TAF11L14: variants seen among roughly 807,000 people sequenced by gnomAD.
TAF11L14 encodes TATA-box-binding protein-associated factor 11-like protein 14.
exon 1 of TAF11L14, chr5:17,634,502 G>A (rs1739772121): frequency 7.5e-6 from 3 of 398,232 alleles, no homozygotes; most frequent in East Asian, 3.6e-5. Flanking sequence ...TGAGATGTTC[G>A]CCATACCCCG....
At chr5:17,634,959 T>G (rs1476913037) in exon 1 of TAF11L14, 1 of 398,112 alleles carries the variant, frequency 2.5e-6, no homozygotes. Context: ...TGGGGAGAAA[T>G]GCCCCCATTG....
exon 1 of TAF11L14, chr5:17,634,524 G>A (rs1224133021): frequency 5.0e-6 from 2 of 398,382 alleles, no homozygotes; most frequent in Non-Finnish European, 8.9e-6. Flanking sequence ...GGTCTGAAGG[G>A]CTGCAACGAG....
At chr5:17,634,822 T>C in exon 1 of TAF11L14, 6 of 398,630 alleles carry the variant, frequency 1.5e-5, no homozygotes, top group Non-Finnish European at 2.2e-5. Flanking sequence ...CAAAAGCACT[T>C]GTTGCACGTC....
At chr5:17,634,665 C>A (rs946684231) in exon 1 of TAF11L14, 43 of 398,558 alleles carry the variant, frequency 1.1e-4, no homozygotes, top group Non-Finnish European at 1.6e-4. Context: ...CCTCCTGCAG[C>A]CAAAAGACAG....
exon 1 of TAF11L14, chr5:17,635,030 A>G (rs1739785624): frequency 2.5e-6 from 1 of 398,338 alleles, no homozygotes; most frequent in African/African-American, 2.1e-5. Flanking sequence ...CTTCCCCAAC[A>G]ACTATAAAAA....
chr5:17,634,821 T>C (rs575515546), exon 1 of TAF11L14: 1 of 398,608 alleles, frequency 2.5e-6, no homozygotes, highest in South Asian at 1.3e-4. Context: ...CCAAAAGCAC[T>C]TGTTGCACGT....
chr5:17,634,977 T>C (rs1398162856), exon 1 of TAF11L14: 1 of 398,198 alleles, frequency 2.5e-6, no homozygotes, highest in African/African-American at 2.1e-5. Context: ...TTGCAGCCCA[T>C]GGATTTAAGG....
chr5:17,634,779 C>T, exon 1 of TAF11L14: 1 of 398,790 alleles, frequency 2.5e-6, no homozygotes, highest in African/African-American at 2.1e-5. Flanking sequence ...GAGCAGCTGT[C>T]CCGCTATGAA....
At chr5:17,634,488 C>T in exon 1 of TAF11L14, 1 of 398,336 alleles carries the variant, frequency 2.5e-6, no homozygotes, top group Admixed American at 4.4e-5. Context: ...ACAGGTGTGT[C>T]TGCTGAGATG....
exon 1 of TAF11L14, chr5:17,634,855 A>G: frequency 2.5e-6 from 1 of 398,400 alleles, no homozygotes; most frequent in Non-Finnish European, 4.4e-6. Context: ...TCACTGGGAG[A>G]TCGGTGCCTG....
exon 1 of TAF11L14, chr5:17,634,723 A>G (rs547199861): frequency 5.0e-6 from 2 of 398,736 alleles, no homozygotes; most frequent in African/African-American, 2.1e-5. Flanking sequence ...GTGTGGATGC[A>G]GAGGAGGCTC....
chr5:17,634,994 G>A, exon 1 of TAF11L14: 1 of 398,390 alleles, frequency 2.5e-6, no homozygotes, highest in Non-Finnish European at 4.4e-6. Flanking sequence ...AAGGGAGGCT[G>A]TTTGCAGGTT....
the TAF11L14 span, chr5:17,634,999 C>A: frequency 7.5e-6 from 3 of 398,282 alleles, no homozygotes; most frequent in East Asian, 3.6e-5. Context: ...AGGCTGTTTG[C>A]AGGTTAAAGC....
chr5:17,634,671 G>C, exon 1 of TAF11L14: 1 of 398,804 alleles, frequency 2.5e-6, no homozygotes, highest in East Asian at 3.6e-5. Context: ...GCAGCCAAAA[G>C]ACAGAAAACA....
rs1470102928 is a variant in TAF11L14 at position 17,634,610 on chromosome 5, G to A, written c.151G>A (p.Val51Ile). 6 of 398,442 alleles carry A rather than the reference G, an allele frequency of 1.5e-5. No individual in the cohort carries two copies. In the East Asian group the frequency reaches 1.8e-4, roughly 12 times the overall value. The allele number at this position is 398,442 out of a possible 1,614,324, so 24.7% of individuals were successfully genotyped here. A position where few individuals can be genotyped will look rare whatever the true frequency, so the allele number is the denominator to read the frequency against. ...GGAATGTGAGCTCAGGAGTGAGGAT[G>A]TCATGGACCTCACAGTAGTTGACAA... is the stretch of plus-strand genomic sequence containing the variant. The change falls in exon 1 of 1, where the codon GTC (valine) becomes ATC (isoleucine). Residue 51 changes from valine to isoleucine, a missense_variant. By Grantham distance (29) the Val-to-Ile change is conservative. Coordinates refer to ENST00000512227, the Ensembl canonical transcript of TAF11L14.
chr5:17,634,896 C>G, exon 1 of TAF11L14: 2 of 398,506 alleles, frequency 5.0e-6, no homozygotes, highest in Non-Finnish European at 8.9e-6. Context: ...GCTGGAATAG[C>G]CAAGGTCTTT....
At chr5:17,634,673 C>A (rs768324063) in exon 1 of TAF11L14, 9 of 398,738 alleles carry the variant, frequency 2.3e-5, no homozygotes, top group Admixed American at 4.4e-5. Context: ...AGCCAAAAGA[C>A]AGAAAACAGA....
At chr5:17,634,589 T>G (rs1430949275) in exon 1 of TAF11L14, 16 of 398,174 alleles carry the variant, frequency 4.0e-5, no homozygotes, top group East Asian at 1.8e-4. Flanking sequence ...GGCTCAGGAA[T>G]GTGAGCTCAG....
exon 1 of TAF11L14, chr5:17,634,581 C>A (rs755786850): frequency 4.5e-5 from 18 of 398,182 alleles, no homozygotes; most frequent in East Asian, 1.8e-4. Flanking sequence ...GAACCCAGGG[C>A]TCAGGAATGT....
Sources: allele counts gnomAD v4.1 joint callset, GRCh38; gene constraint gnomAD v4.1.1; transcripts MANE v1.5; gene names NCBI Gene and HGNC (gene_info 2026-07-23, HGNC 2026-07-21).